PABPC1L: variants seen among roughly 807,000 people sequenced by gnomAD.
PABPC1L encodes poly(A) binding protein cytoplasmic 1 like, also known as polyadenylate-binding protein 1-like.
A neutral mutation model predicts 66.6 loss-of-function variants in PABPC1L; 31 were observed. The ratio of observed to expected loss-of-function variants is 0.47; its 90% CI spans 0.35 to 0.63. The LOEUF (loss-of-function observed/expected upper bound fraction) is 0.63, where lower values mean the gene tolerates loss of function less well. Ranked by LOEUF, PABPC1L falls within the 20% of genes least tolerant of loss-of-function variation. PABPC1L has a pLI of 0.00. For missense variants in PABPC1L, 722 were observed against 848.8 expected, an observed-to-expected ratio of 0.85 and a Z score of 1.86; for synonymous variants, 348 against 335.1, an observed-to-expected ratio of 1.04 and a Z score of -0.42.
At chr20:44,930,787 TGAAGACTAGAG>T in intron 8 of PABPC1L, 61 bp downstream of exon 8, 1 of 1,570,704 alleles carries the variant, frequency 6.4e-7, no homozygotes. Context: ...AGGCAGAGCA[TGAAGACTAGAG>T]TTCTAGGGAA....
intron 10 of PABPC1L, among the ~76,000 whole-genome samples, chr20:44,933,854 C>T (rs937774878): frequency 2.7e-5 from 4 of 150,158 alleles, no homozygotes; most frequent in Non-Finnish European, 4.4e-5. Context: ...GGGTTCTAAG[C>T]GATTCTCCTG....
At chr20:44,910,367 G>A (rs989052739) in intron 1 of PABPC1L, 31 bp downstream of exon 1, 155 of 1,452,972 alleles carry the variant, frequency 1.1e-4, no homozygotes, top group Non-Finnish European at 1.4e-4. Flanking sequence ...GGGAGGGGAA[G>A]GACCGACGGA....
At chr20:44,911,194 T>TG (rs1268929172) in intron 1 of PABPC1L, among the ~76,000 whole-genome samples, 2 of 152,154 alleles carry the variant, frequency 1.3e-5, no homozygotes, top group Non-Finnish European at 1.5e-5. Context: ...CCAGGCGCAG[T>TG]GGCTCACGCC....
chr20:44,913,017 C>T (rs551711674), intron 2 of PABPC1L, among the ~76,000 whole-genome samples, 164 bp downstream of exon 2: 62 of 152,216 alleles, frequency 4.1e-4, no homozygotes, highest in Non-Finnish European at 2.8e-4. Context: ...TTTCATCTTC[C>T]GTGAATGACC....
chr20:44,925,198 GA>G (rs2066801021), intron 7 of PABPC1L, among the ~76,000 whole-genome samples: 1 of 130,790 alleles, frequency 7.6e-6, no homozygotes, highest in African/African-American at 2.9e-5. Context: ...GGGCAACAGC[GA>G]GACTCTGTCT....
chr20:44,921,712 A>G lies in PABPC1L; in HGVS notation c.857A>G (p.Asp286Gly), dbSNP rs758119580. Reference protein sequence around the residue: ...LKRRFEQMKQDRLRRYQGVNL... With the variant: ...LKRRFEQMKQGRLRRYQGVNL... ...CGCAGGTTTGAGCAGATGAAGCAGG[A>G]CCGGCTGAGGCGTTACCAGGTGAGG... is the stretch of plus-strand genomic sequence containing the variant. The change falls in exon 6 of 15, where the codon GAC becomes GGC. Residue 286 changes from aspartate to glycine, a missense_variant. Physicochemically the swap from Asp to Gly is moderately conservative, Grantham distance 94. This residue lies in a region of PABPC1L where 137 missense variants were observed against 216.8 expected (regional missense o/e 0.63). Transcript: ENST00000217073. 27 of 1,613,474 alleles carry G rather than the reference A, an allele frequency of 1.7e-5. No homozygotes were observed. In the African/African-American group the frequency reaches 2.7e-4, roughly 16 times the overall value.
intron 1 of PABPC1L, among the ~76,000 whole-genome samples, chr20:44,911,551 A>G (rs772276665): frequency 6.6e-6 from 1 of 152,178 alleles, no homozygotes; most frequent in African/African-American, 2.4e-5. Flanking sequence ...AAACTCACCC[A>G]AAAAATGGCC....
chr20:44,932,134 G>T, intron 8 of PABPC1L: 1 of 396,662 alleles, frequency 2.5e-6, no homozygotes, highest in Non-Finnish European at 4.5e-6. Context: ...AGCCAAGATT[G>T]AAATCTAAGA....
At chr20:44,933,312 C>A in intron 10 of PABPC1L, 127 bp downstream of exon 10, 1 of 759,730 alleles carries the variant, frequency 1.3e-6, no homozygotes, top group Non-Finnish European at 2.2e-6. Flanking sequence ...GAGACTGTAG[C>A]GTGGTAGTTA....
rs1419506573 is a variant in PABPC1L at position 44,938,751 on chromosome 20, G to T, written c.*6+3G>T. The T allele has an allele frequency of 6.2e-7, 1 of 1,609,068 alleles. No homozygotes were observed. The highest frequency in any genetic ancestry group is 8.5e-7 in the Non-Finnish European group (1 of 1,177,912). ...AGGCGTACATGCACTGAAACCAGGT[G>T]GGTGGAATGGTGACAGAAGCAGCTG... On this transcript the variant is annotated splice_donor_region_variant and intron_variant, in intron 14 of 14. Coordinates refer to ENST00000217073, the MANE Select transcript of PABPC1L (RefSeq NM_001372179.1).
In PABPC1L at chr20:44,919,228, C is replaced by T. The variant is rs761129040; in HGVS notation, c.689C>T (p.Ser230Leu). Residue 230 changes from serine to leucine, a missense_variant, in exon 5 of 15, where the codon TCG (serine) becomes TTG (leucine). Ser to Leu is a moderately radical substitution (Grantham distance 145). Around this residue, in one of 3 missense-constraint regions of PABPC1L, gnomAD observed 137 missense variants for 216.8 expected, o/e 0.63. Coordinates refer to ENST00000217073, the MANE Select transcript of PABPC1L (RefSeq NM_001372179.1). ...GTGATGAGGGACAACAGCGGCCACT[C>T]GCGGTGCTTTGGCTTTGTCAACTTT... Reference protein sequence around the residue: ...VKVMRDNSGHSRCFGFVNFEK... With the variant: ...VKVMRDNSGHLRCFGFVNFEK... 3.1e-6 allele frequency: 5 copies of T among 1,614,180 alleles called. No individual in the cohort carries two copies. The highest frequency in any genetic ancestry group is 1.1e-5 in the South Asian group (1 of 91,088).
intron 10 of PABPC1L, 63 bp downstream of exon 10, chr20:44,933,248 C>A: frequency 7.3e-7 from 1 of 1,371,274 alleles, no homozygotes; most frequent in Non-Finnish European, 1.0e-6. Context: ...GAGTCAGGAC[C>A]AGCCTCCATG....
chr20:44,934,768 G>T (rs950394018), intron 10 of PABPC1L, among the ~76,000 whole-genome samples: 1 of 152,126 alleles, frequency 6.6e-6, no homozygotes, highest in African/African-American at 2.4e-5. Context: ...GAATAATGCT[G>T]CTGTGAAAAT....
intron 3 of PABPC1L, among the ~76,000 whole-genome samples, chr20:44,918,311 T>C (rs2066750535): frequency 6.6e-6 from 1 of 152,210 alleles, no homozygotes; most frequent in South Asian, 2.1e-4. Flanking sequence ...GCCTGGGCGA[T>C]AGAGCGAAAC....
chr20:44,915,024 G>A (rs1301950713), intron 2 of PABPC1L, among the ~76,000 whole-genome samples: 1 of 152,222 alleles, frequency 6.6e-6, no homozygotes, highest in Admixed American at 6.5e-5. Context: ...TGGGGACCCA[G>A]TCAACGTGGT....
intron 6 of PABPC1L, among the ~76,000 whole-genome samples, chr20:44,923,553 C>T (rs912916373): frequency 2.0e-5 from 3 of 151,788 alleles, no homozygotes; most frequent in East Asian, 1.9e-4. Flanking sequence ...CACTTGAACC[C>T]GCGAGGCAGA....
intron 3 of PABPC1L, among the ~76,000 whole-genome samples, chr20:44,917,120 G>A (rs1314220037): frequency 6.6e-6 from 1 of 152,150 alleles, no homozygotes; most frequent in African/African-American, 2.4e-5. Context: ...ACTCTAGAGG[G>A]ACTGGCTAAT....
rs2066867660 is a variant in PABPC1L, at chr20:44,932,411, T to C, written c.1309T>C (p.Ser437Pro). Residue 437 changes from serine to proline, a missense_variant, in exon 9 of 15, where the codon TCC (serine) becomes CCC (proline). Ser to Pro is a moderately conservative substitution (Grantham distance 74). Coordinates refer to ENST00000217073, the MANE Select transcript of PABPC1L (RefSeq NM_001372179.1). ...CACCCAGCCTGCCCCCAGGTGGACA[T>C]CCCAGCCACCTAGACCTTCCTGTGA... ...TPTQPAPRWT[S>P]QPPRPSSAYP... 1 of 1,613,446 alleles carries C rather than the reference T, an allele frequency of 6.2e-7. No homozygotes were observed. The highest frequency in any genetic ancestry group is 8.5e-7 in the Non-Finnish European group (1 of 1,179,688).
At position 44,933,191 on chromosome 20, in the gene PABPC1L, T is replaced by C; in HGVS notation, c.1459+6T>C. ...GCCTCATACCCAGAGAGTAGGTGAGTGTGGGTAGGGCCAAGGGGAATGGGG... is the reference window on the plus strand; with the variant it reads ...GCCTCATACCCAGAGAGTAGGTGAGCGTGGGTAGGGCCAAGGGGAATGGGG... On this transcript the variant is annotated splice_donor_region_variant and intron_variant, in intron 10 of 14. Coordinates refer to ENST00000217073, the MANE Select transcript of PABPC1L (RefSeq NM_001372179.1). 6.3e-7 allele frequency: 1 copy of C among 1,596,556 alleles called. No homozygotes were observed. Among genetic ancestry groups the C allele is most frequent in the Non-Finnish European group, 8.5e-7 (1 of 1,172,322 alleles).
Sources: gnomAD v4.1 joint callset for allele counts (sites outside exome capture counted in the v4.1 genomes callset) on GRCh38, gnomAD v4.1.1 for gene constraint, gnomAD v4.1.1 regional missense constraint, MANE v1.5 for transcripts, NCBI Gene and HGNC (gene_info 2026-07-23, HGNC 2026-07-21) for gene names.